RABEP1: variants seen among roughly 807,000 people sequenced by gnomAD.
The protein encoded by RABEP1 is rabaptin, RAB GTPase binding effector protein 1.
In RABEP1, 51 loss-of-function variants were observed where a neutral mutation model predicts 123.4. That is an observed-to-expected ratio of 0.41 (90% CI 0.33 to 0.52). The LOEUF (loss-of-function observed/expected upper bound fraction) is 0.52, where lower values mean the gene tolerates loss of function less well. Ranked by LOEUF, RABEP1 falls within the 20% of genes least tolerant of loss-of-function variation. The probability of loss-of-function intolerance (pLI) is 0.16; values close to 1 mark genes in which losing one functional copy is unlikely to be tolerated. For synonymous variants in RABEP1, 347 were observed against 355.2 expected, an observed-to-expected ratio of 0.98 and a Z score of 0.26; for missense variants, 888 against 996.3, an observed-to-expected ratio of 0.89 and a Z score of 1.46.
At position 5,339,860 on chromosome 17, in the gene RABEP1, C is replaced by T. The variant is rs187888612; in HGVS notation, c.648+1722C>T. Among the ~76,000 whole-genome samples, 164 of 151,934 alleles carry T rather than the reference C, an allele frequency of 1.1e-3. 1 individual carries two copies. The highest frequency in any genetic ancestry group is 6.8e-3 in the Middle Eastern group (2 of 294). ...GGGATAAAAATATACCATGTAAATTCGAACCAAAAGAAAGCTGATATACCA... is the reference window on the plus strand; with the variant it reads ...GGGATAAAAATATACCATGTAAATTTGAACCAAAAGAAAGCTGATATACCA... On this transcript the variant is annotated intron_variant, in intron 5 of 17. Transcript: ENST00000537505.
At chr17:5,376,320 C>A (rs1333348216) in intron 13 of RABEP1, among the ~76,000 whole-genome samples, 2 of 151,918 alleles carry the variant, frequency 1.3e-5, no homozygotes, top group African/African-American at 4.8e-5. Flanking sequence ...AGAGGAAGAT[C>A]CTGTCTCAAG....
chr17:5,360,490 A>T (rs1188416041), intron 8 of RABEP1, among the ~76,000 whole-genome samples: 1 of 152,248 alleles, frequency 6.6e-6, no homozygotes, highest in Non-Finnish European at 1.5e-5. Context: ...TGAGCCCGGG[A>T]GGCGGAGCTT....
chr17:5,341,103 A>C (rs907703460), intron 5 of RABEP1, among the ~76,000 whole-genome samples: 2 of 152,086 alleles, frequency 1.3e-5, no homozygotes, highest in Non-Finnish European at 2.9e-5. Context: ...GATCAGGAAA[A>C]ATGAAAACAA....
At chr17:5,380,559 G>C (rs1405005791) in intron 16 of RABEP1, 97 bp downstream of exon 16, 3 of 1,075,852 alleles carry the variant, frequency 2.8e-6, no homozygotes, top group Non-Finnish European at 4.1e-6. Context: ...GCTTTGAAGT[G>C]TCACCTTTTA....
At position 5,383,281 on chromosome 17, in the gene RABEP1, AC is replaced by A. The variant is rs1911651716; in HGVS notation, c.*59del. 7 of 1,308,454 alleles carry A rather than the reference AC, an allele frequency of 5.3e-6. No homozygotes were observed. Among genetic ancestry groups the A allele is most frequent in the Non-Finnish European group, 1.1e-6 (1 of 905,588 alleles). The allele number at this position is 1,308,454 out of a possible 1,614,324, so 81.1% of individuals were successfully genotyped here. A position where few individuals can be genotyped will look rare whatever the true frequency, so the allele number is the denominator to read the frequency against. ...GGGTTTTTAACTCATCTTTAGAGCAACAGTAATTATTATTTAACTCTTAACT... is the reference window on the plus strand; with the variant it reads ...GGGTTTTTAACTCATCTTTAGAGCAAAGTAATTATTATTTAACTCTTAACT... On this transcript the variant is annotated 3_prime_UTR_variant, in exon 18 of 18. Coordinates refer to ENST00000537505, the MANE Select transcript of RABEP1 (RefSeq NM_004703.6).
At chr17:5,302,969 G>C (rs1021443269) in intron 1 of RABEP1, among the ~76,000 whole-genome samples, 5 of 152,114 alleles carry the variant, frequency 3.3e-5, no homozygotes, top group African/African-American at 1.2e-4. Context: ...CAAATAGATT[G>C]AGGTAGAGCA....
At chr17:5,313,297 G>A (rs751079299) in intron 2 of RABEP1, among the ~76,000 whole-genome samples, 3 of 152,156 alleles carry the variant, frequency 2.0e-5, no homozygotes, top group Non-Finnish European at 4.4e-5. Context: ...TTTCTCTGGT[G>A]ATAAGTTGAA....
At chr17:5,380,597 A>G in intron 16 of RABEP1, 135 bp downstream of exon 16, 1 of 777,520 alleles carries the variant, frequency 1.3e-6, no homozygotes, top group Non-Finnish European at 2.2e-6. Context: ...ACAGCTTGTG[A>G]AAAGAAAAAA....
chr17:5,324,801 A>G (rs1035956370), intron 2 of RABEP1, among the ~76,000 whole-genome samples: 1 of 152,228 alleles, frequency 6.6e-6, no homozygotes. Flanking sequence ...AAGATGCTCA[A>G]CATCACTAAT....
chr17:5,317,871 G>A (rs1181663924), intron 2 of RABEP1, among the ~76,000 whole-genome samples: 1 of 152,152 alleles, frequency 6.6e-6, no homozygotes, highest in Non-Finnish European at 1.5e-5. Flanking sequence ...TTGATCATTA[G>A]TGGCCATTTA....
rs1419260208 is a variant in RABEP1 at position 5,385,890 on chromosome 17, A to G, written c.*2667A>G. The G allele has an allele frequency of 1.7e-5, 5 of 291,778 alleles. No individual in the cohort carries two copies. The highest frequency in any genetic ancestry group is 1.5e-4 in the South Asian group (1 of 6,532). 18.1% of individuals were successfully genotyped at this position (291,778 alleles called of 1,614,324 possible). ...GTTTCTGGTGCTGCTACTTTAAAAC[A>G]CAGCTCACAAGAATAACTAACTTGC... On this transcript the variant is annotated 3_prime_UTR_variant, in exon 18 of 18. Coordinates refer to ENST00000537505, the MANE Select transcript of RABEP1 (RefSeq NM_004703.6).
chr17:5,320,392 CATTT>C, intron 2 of RABEP1, among the ~76,000 whole-genome samples: 1 of 111,304 alleles, frequency 9.0e-6, no homozygotes, highest in South Asian at 2.9e-4. Flanking sequence ...GGAGTTCTTC[CATTT>C]GAAATTTAAA....
chr17:5,373,051 C>T (rs1910648400), intron 12 of RABEP1, among the ~76,000 whole-genome samples: 1 of 152,226 alleles, frequency 6.6e-6, no homozygotes, highest in Non-Finnish European at 1.5e-5. Context: ...AGCCACCACA[C>T]CCAACCAAAA....
intron 2 of RABEP1, among the ~76,000 whole-genome samples, chr17:5,329,734 T>G (rs1906336854): frequency 6.6e-6 from 1 of 151,584 alleles, no homozygotes; most frequent in Non-Finnish European, 1.5e-5. Flanking sequence ...CTACAAAAAA[T>G]TAAGATTTTC....
Position 5,384,017 on chromosome 17 carries a change from T to G in RABEP1, c.*794T>G. ...AGCCGAACTGGTACCATCTACTCTT[T>G]TGAAGTGTTTTAGTCTAGTTATTGG... On this transcript the variant is annotated 3_prime_UTR_variant, in exon 18 of 18. Transcript: ENST00000537505. 2 of 218,784 alleles carry G rather than the reference T, an allele frequency of 9.1e-6. No individual in the cohort carries two copies. The allele number at this position is 218,784 out of a possible 1,614,324, so 13.6% of individuals were successfully genotyped here.
chr17:5,375,034 C>T (rs1910875458), intron 13 of RABEP1, among the ~76,000 whole-genome samples: 1 of 151,984 alleles, frequency 6.6e-6, no homozygotes, highest in South Asian at 2.1e-4. Flanking sequence ...GCTTCGGCCT[C>T]CCAAAGTGCT....
In RABEP1 at chr17:5,361,579, C is replaced by T; in HGVS notation, c.1467C>T (p.Leu489=). The change falls in exon 9 of 18, where the codon CTC becomes CTT. Residue 489 remains leucine (L), a synonymous_variant. Coordinates refer to ENST00000537505, the MANE Select transcript of RABEP1 (RefSeq NM_004703.6). ...CAGAACAAGAAGAGACAGCGTCCCT[C>T]CTCTCCAGCGTTACCCAGGGCATGG... is the stretch of plus-strand genomic sequence containing the variant. ...MTPEQEETAS[L]LSSVTQGMES... is the part of the protein sequence containing the mutation. The T allele has an allele frequency of 6.2e-7, 1 of 1,614,188 alleles. No individual in the cohort carries two copies. The highest frequency in any genetic ancestry group is 8.5e-7 in the Non-Finnish European group (1 of 1,180,032).
In RABEP1 at chr17:5,367,327, A is replaced by G. The variant is rs575401869; in HGVS notation, c.1786-1043A>G. 9.2e-5 allele frequency among the ~76,000 whole-genome samples: 14 copies of G among 151,884 alleles called. No homozygotes were observed. The South Asian group carries it at 2.7e-3, about 29-fold the overall frequency. On this transcript the variant is annotated intron_variant, in intron 11 of 17. Transcript: ENST00000537505. ...CGCTGTGTCGCCCAGGCTAGAGTGC[A>G]GTGGCACGATCTTGGCTCACTGCAA...
rs386385498 is a variant in RABEP1 at position 5,316,449 on chromosome 17, C to CAAAAAA, written c.163+7648_163+7653dup. On this transcript the variant is annotated intron_variant, in intron 2 of 17. Transcript: ENST00000537505. The stretch of plus-strand genomic sequence containing the variant: ...TGGGCGACAGAGTGAGACTCTGTCT[C>CAAAAAA]AAAAAAAAAAAAAAAAAAAAAAAAA... 3.1e-4 allele frequency among the ~76,000 whole-genome samples: 9 copies of CAAAAAA among 28,582 alleles called. 2 individuals carry two copies. The highest frequency in any genetic ancestry group is 6.3e-4 in the African/African-American group (5 of 7,894). 18.8% of individuals were successfully genotyped at this position (28,582 alleles called of 152,430 possible). A position where few individuals can be genotyped will look rare whatever the true frequency, so the allele number is the denominator to read the frequency against.
Sources: allele counts gnomAD v4.1 joint callset (sites outside exome capture counted in the v4.1 genomes callset), GRCh38; gene constraint gnomAD v4.1.1; transcripts MANE v1.5; gene names NCBI Gene and HGNC (gene_info 2026-07-23, HGNC 2026-07-21).